ARNT: variants seen among roughly 807,000 people sequenced by gnomAD.
ARNT encodes aryl hydrocarbon receptor nuclear translocator, also known as class E basic helix-loop-helix protein 2.
In ARNT, 30 loss-of-function variants were observed where a neutral mutation model predicts 105.0. The ratio of observed to expected loss-of-function variants is 0.29; its 90% CI spans 0.21 to 0.39. The LOEUF (loss-of-function observed/expected upper bound fraction) is 0.39. Ranked by LOEUF, ARNT falls within the 10% of genes least tolerant of loss-of-function variation. The probability of loss-of-function intolerance (pLI) is 1.00; values close to 1 mark genes in which losing one functional copy is unlikely to be tolerated. For synonymous variants in ARNT, 304 were observed against 344.0 expected, an observed-to-expected ratio of 0.88 and a Z score of 1.29; for missense variants, 748 against 978.7, an observed-to-expected ratio of 0.76 and a Z score of 3.15.
intron 1 of ARNT, among the ~76,000 whole-genome samples, chr1:150,863,767 A>G (rs1325270320): frequency 6.6e-6 from 1 of 151,988 alleles, no homozygotes; most frequent in Non-Finnish European, 1.5e-5. Context: ...CAGTGAGCCA[A>G]TCGAGCCACT....
At chr1:150,862,712 T>TAAAAA (rs56147665) in intron 1 of ARNT, among the ~76,000 whole-genome samples, 4 of 66,588 alleles carry the variant, frequency 6.0e-5, no homozygotes, top group Non-Finnish European at 8.2e-5. Context: ...CCTGCCTCTG[T>TAAAAA]AAAAAAAAAA....
At chr1:150,813,750 T>G (rs1038794492) in intron 20 of ARNT, among the ~76,000 whole-genome samples, 13 of 151,988 alleles carry the variant, frequency 8.6e-5, no homozygotes, top group African/African-American at 3.1e-4. Flanking sequence ...GTTCAAGCGA[T>G]TCTCCTGCCT....
intron 13 of ARNT, among the ~76,000 whole-genome samples, chr1:150,823,752 A>C (rs1001296045): frequency 6.6e-6 from 1 of 150,392 alleles, no homozygotes; most frequent in Non-Finnish European, 1.5e-5. Flanking sequence ...GGGTTTCACC[A>C]TGTTAGCCAG....
At chr1:150,850,538 C>A (rs587684639) in intron 3 of ARNT, among the ~76,000 whole-genome samples, 18 of 152,370 alleles carry the variant, frequency 1.2e-4, no homozygotes, top group African/African-American at 4.3e-4. Flanking sequence ...CCAGCCTCGG[C>A]CTCCCGAGGT....
At chr1:150,855,695 A>C (rs1664470179) in intron 2 of ARNT, among the ~76,000 whole-genome samples, 3 of 151,584 alleles carry the variant, frequency 2.0e-5, no homozygotes, top group Admixed American at 1.3e-4. Context: ...TGAGCCTAGG[A>C]GTTTTAGACC....
At chr1:150,831,673 G>A (rs1478863934) in intron 10 of ARNT, 145 bp downstream of exon 10, 1 of 594,092 alleles carries the variant, frequency 1.7e-6, no homozygotes, top group Non-Finnish European at 2.9e-6. Context: ...GGAAGGGAAG[G>A]ATTGTACATT....
chr1:150,859,080 A>G (rs1665136586), intron 1 of ARNT, among the ~76,000 whole-genome samples: 1 of 133,416 alleles, frequency 7.5e-6, no homozygotes, highest in Non-Finnish European at 1.7e-5. Flanking sequence ...ATAATATACT[A>G]ATTTTAAAAA....
At position 150,876,556 on chromosome 1, in the gene ARNT, A is replaced by T. The variant is rs768989095; in HGVS notation, c.12T>A (p.Thr4=). The change falls in exon 1 of 22, where the codon ACT becomes ACA. Residue 4 remains threonine, a synonymous_variant. Transcript: ENST00000358595. MAA[T]TANPEMTSDV... is the part of the protein sequence containing the mutation. ...CCGTCTCCTCACCGGGGTTGGCAGT[A>T]GTCGCCGCCATGGCCGCAGATGCCA... 55 of 1,549,162 alleles carry T rather than the reference A, an allele frequency of 3.6e-5. No homozygotes were observed. Among genetic ancestry groups the T allele is most frequent in the Non-Finnish European group, 4.4e-5 (50 of 1,147,254 alleles).
chr1:150,868,146 T>G (rs958395604), intron 1 of ARNT, among the ~76,000 whole-genome samples: 1 of 151,958 alleles, frequency 6.6e-6, no homozygotes, highest in African/African-American at 2.4e-5. Context: ...AGGAAACTGC[T>G]TGGTTTACTA....
Position 150,817,449 on chromosome 1 carries a change from C to G in ARNT, c.1506-16G>C, listed in dbSNP as rs943739590. 2 of 1,612,174 alleles carry G rather than the reference C, an allele frequency of 1.2e-6. No individual in the cohort carries two copies. The highest frequency in any genetic ancestry group is 2.7e-5 in the African/African-American group (2 of 74,616). On this transcript the variant is annotated splice_polypyrimidine_tract_variant and intron_variant, in intron 15 of 21. Transcript: ENST00000358595. ...TTGCTGCTGCCTATATGTCAAAGGC[C>G]AGTTGACAAGACAAATAGAAAAAAA...
intron 6 of ARNT, among the ~76,000 whole-genome samples, chr1:150,838,904 T>C (rs1162131953): frequency 1.3e-5 from 2 of 152,228 alleles, no homozygotes; most frequent in African/African-American, 2.4e-5. Flanking sequence ...TTCTGTGATA[T>C]CCTGCCACTC....
intron 1 of ARNT, among the ~76,000 whole-genome samples, chr1:150,876,059 T>A (rs1668193793): frequency 6.6e-6 from 1 of 152,240 alleles, no homozygotes; most frequent in Non-Finnish European, 1.5e-5. Flanking sequence ...CATTTTTTAT[T>A]TTTTAAATTA....
At position 150,839,567 on chromosome 1, in the gene ARNT, A is replaced by G; in HGVS notation, c.360T>C (p.Ser120=). The G allele has an allele frequency of 6.2e-7, 1 of 1,614,210 alleles. No homozygotes were observed. Residue 120 remains serine (S), a synonymous_variant, in exon 6 of 22, where the codon AGT becomes AGC. Coordinates refer to ENST00000358595, the MANE Select transcript of ARNT (RefSeq NM_001668.4). Reference sequence around the variant, plus strand: ...GCTTGTCTGGTTTTCGAGCCAGGGCACTACAGGTGGGTACCATATCTGACA... The same window carrying G: ...GCTTGTCTGGTTTTCGAGCCAGGGCGCTACAGGTGGGTACCATATCTGACA... ...TELSDMVPTC[S]ALARKPDKLT...
intron 1 of ARNT, among the ~76,000 whole-genome samples, chr1:150,870,251 GGTAA>G (rs899412688): frequency 3.3e-5 from 5 of 151,960 alleles, no homozygotes; most frequent in African/African-American, 7.3e-5. Context: ...GAGAACAGCT[GGTAA>G]GTATTACTAA....
intron 19 of ARNT, among the ~76,000 whole-genome samples, chr1:150,815,182 T>C (rs976589126): frequency 6.6e-6 from 1 of 152,098 alleles, no homozygotes; most frequent in Non-Finnish European, 1.5e-5. Flanking sequence ...AACATAAATA[T>C]ATAGTAATAT....
chr1:150,818,133 T>G, intron 14 of ARNT, 103 bp from the exon 15 acceptor site: 1 of 770,768 alleles, frequency 1.3e-6, no homozygotes, highest in Non-Finnish European at 2.1e-6. Flanking sequence ...CTCTATAGAT[T>G]CATCTGTAGG....
intron 1 of ARNT, among the ~76,000 whole-genome samples, chr1:150,862,285 G>A (rs1441840890): frequency 1.3e-5 from 2 of 151,870 alleles, no homozygotes; most frequent in African/African-American, 2.4e-5. Context: ...TGACTCCCTG[G>A]GCCTAAGGGT....
intron 3 of ARNT, among the ~76,000 whole-genome samples, chr1:150,851,214 G>A (rs893246817): frequency 1.6e-4 from 23 of 143,232 alleles, no homozygotes; most frequent in Admixed American, 5.5e-4. Flanking sequence ...GCCCCCGCCC[G>A]GCCAGCCGCC....
chr1:150,824,609 C>A (rs953910593), intron 13 of ARNT, among the ~76,000 whole-genome samples: 1 of 151,670 alleles, frequency 6.6e-6, no homozygotes, highest in Non-Finnish European at 1.5e-5. Flanking sequence ...CGTGCACCAT[C>A]ACGCCCAGCT....
Sources: allele counts gnomAD v4.1 joint callset (sites outside exome capture counted in the v4.1 genomes callset), GRCh38; gene constraint gnomAD v4.1.1; transcripts MANE v1.5; gene names NCBI Gene and HGNC (gene_info 2026-07-23, HGNC 2026-07-21).